The following MYH14 variants were observed in gnomAD, a reference collection of about 807,000 sequenced individuals.
The protein encoded by MYH14 is myosin heavy chain 14.
Under a neutral mutation model 255.5 loss-of-function variants are expected in MYH14, and 123 were observed. That is an observed-to-expected ratio of 0.48 (90% CI 0.42 to 0.56). The LOEUF is 0.56. Ranked by LOEUF, MYH14 falls within the 20% of genes least tolerant of loss-of-function variation. The pLI is 0.00. For missense variants in MYH14, 2,423 were observed against 2,802.3 expected, an observed-to-expected ratio of 0.86 and a Z score of 3.06; for synonymous variants, 1,095 against 1,161.2, an observed-to-expected ratio of 0.94 and a Z score of 1.16.
intron 21 of MYH14, 43 bp from the exon 22 acceptor site, chr19:50,263,269 C>T (rs1205077824): frequency 1.5e-6 from 2 of 1,305,286 alleles, no homozygotes; most frequent in East Asian, 2.6e-5. Flanking sequence ...GGGGATGGCG[C>T]CTGGAGGCTC....
rs748914051 is a variant in MYH14 at position 50,261,585 on chromosome 19, C to G, written c.2535C>G (p.Thr845=). ...QLEEERDLKV[T]DIIVSFQAAA... ...AAGAGGAGCGAGACCTGAAGGTCAC[C>G]GACATCATCGTCTCCTTCCAGGCAG... is the stretch of plus-strand genomic sequence containing the variant. The change falls in exon 21 of 43, where the codon ACC becomes ACG. Residue 845 remains threonine (T), a synonymous_variant. Transcript: ENST00000642316. The G allele has an allele frequency of 6.2e-7, 1 of 1,603,040 alleles. No individual in the cohort carries two copies. Among genetic ancestry groups the G allele is most frequent in the Non-Finnish European group, 8.5e-7 (1 of 1,176,282 alleles).
intron 19 of MYH14, 51 bp from the exon 20 acceptor site, chr19:50,260,595 G>A: frequency 7.3e-7 from 1 of 1,360,692 alleles, no homozygotes; most frequent in Non-Finnish European, 1.0e-6. Context: ...CAGGCACTAG[G>A]TGAGCGTTTG....
At chr19:50,251,689 T>C (rs1323076849) in intron 15 of MYH14, among the ~76,000 whole-genome samples, 6 of 152,094 alleles carry the variant, frequency 3.9e-5, no homozygotes, top group Non-Finnish European at 7.3e-5. Flanking sequence ...GCAATTCTTC[T>C]GCCTCAGCCT....
In MYH14 at chr19:50,293,103, T is replaced by C; in HGVS notation, c.5257-130T>C. ...GAGACATCTGTAGGTTGCAGCTCATTCCAGGGTTACCCAGGGACAGCATGA... is the reference window on the plus strand; with the variant it reads ...GAGACATCTGTAGGTTGCAGCTCATCCCAGGGTTACCCAGGGACAGCATGA... On this transcript the variant is annotated intron_variant, in intron 37 of 42. Transcript: ENST00000642316. This position sits in a 1 kb window ranked among gnomAD's most constrained non-coding sequence, Gnocchi z 4.1. 1.4e-6 allele frequency: 1 copy of C among 712,834 alleles called. No individual in the cohort carries two copies. The highest frequency in any genetic ancestry group is 2.7e-5 in the East Asian group (1 of 37,046). The allele number at this position is 712,834 out of a possible 1,614,324, so 44.2% of individuals were successfully genotyped here.
intron 27 of MYH14, among the ~76,000 whole-genome samples, chr19:50,273,098 C>T (rs2035370504): frequency 3.3e-5 from 5 of 152,006 alleles, no homozygotes; most frequent in Admixed American, 3.3e-4. Flanking sequence ...TGAAACCAGC[C>T]TGGCTAACAT....
rs767205350 is a variant in MYH14, at chr19:50,247,054, C to T, written c.1261C>T (p.Arg421Ter). ...LLGLGVTDFSRALLTPRIKVG... is the reference protein window; with the variant it reads ...LLGLGVTDFS Reference sequence around the variant, plus strand: ...GGGACTGGGGGTGACGGATTTCTCCCGAGCCTTGCTCACCCCTCGCATCAA... The same window carrying T: ...GGGACTGGGGGTGACGGATTTCTCCTGAGCCTTGCTCACCCCTCGCATCAA... The change falls in exon 12 of 43, where the codon CGA becomes TGA. Residue 421 changes from arginine to a stop codon, truncating the protein, a stop_gained. Coordinates refer to ENST00000642316, the MANE Select transcript of MYH14 (RefSeq NM_001145809.2). LOFTEE classifies it high-confidence loss of function. The T allele has an allele frequency of 3.1e-6, 5 of 1,613,270 alleles. No individual in the cohort carries two copies. The highest frequency in any genetic ancestry group is 1.3e-5 in the African/African-American group (1 of 74,888).
intron 10 of MYH14, among the ~76,000 whole-genome samples, chr19:50,234,290 CT>C (rs2033555730): frequency 6.6e-6 from 1 of 152,160 alleles, no homozygotes; most frequent in Non-Finnish European, 1.5e-5. Context: ...GGACCTCCGC[CT>C]TTTCAGAGGC....
At chr19:50,251,790 C>T (rs573491310) in intron 15 of MYH14, among the ~76,000 whole-genome samples, 2 of 152,264 alleles carry the variant, frequency 1.3e-5, no homozygotes, top group South Asian at 4.2e-4. Context: ...GTTGGCCAGG[C>T]TGCTCTCGAA....
chr19:50,210,768 T>A lies in MYH14; in HGVS notation c.403T>A (p.Tyr135Asn). The stretch of plus-strand genomic sequence containing the variant: ...GGAGCGGTACTACTCCGGCCTCATC[T>A]ACGTGAGTGGGCTCCTGCTGGGGGG... ...LRERYYSGLI[Y>N]TYSGLFCVVI... is the part of the protein sequence containing the mutation. Residue 135 changes from tyrosine to asparagine, a missense_variant and splice_region_variant, in exon 2 of 43, where the codon TAC (tyrosine) becomes AAC (asparagine). By Grantham distance (143) the Tyr-to-Asn change is moderately radical. This residue lies in a region of MYH14 where 238 missense variants were observed against 245.8 expected (regional missense o/e 0.97). Transcript: ENST00000642316. The A allele has an allele frequency of 6.4e-7, 1 of 1,567,340 alleles. No homozygotes were observed. The highest frequency in any genetic ancestry group is 2.4e-5 in the East Asian group (1 of 42,026).
At position 50,291,023 on chromosome 19, in the gene MYH14, C is replaced by A. The variant is rs759645377; in HGVS notation, c.5102C>A (p.Ala1701Glu). 3 of 1,612,764 alleles carry A rather than the reference C, an allele frequency of 1.9e-6. No individual in the cohort carries two copies. Among genetic ancestry groups the A allele is most frequent in the South Asian group, 2.2e-5 (2 of 90,724 alleles). ...MASAGQGKEE[A>E]VKQLRKMQAQ... ...TCTGCCGGCCAGGGCAAGGAGGAGG[C>A]GGTGAAGCAGCTTCGCAAGATGCAG... The change falls in exon 36 of 43, where the codon GCG becomes GAG. Residue 1701 changes from alanine to glutamate, a missense_variant. Transcript: ENST00000642316.
intron 11 of MYH14, among the ~76,000 whole-genome samples, chr19:50,244,685 G>A (rs903443571): frequency 1.3e-5 from 2 of 152,040 alleles, no homozygotes; most frequent in Admixed American, 6.5e-5. Context: ...GAGTGTCACC[G>A]TGTTAACCAG....
intron 36 of MYH14, 68 bp downstream of exon 36, chr19:50,291,116 G>C (rs920874580): frequency 1.3e-6 from 2 of 1,525,482 alleles, no homozygotes; most frequent in African/African-American, 2.8e-5. Flanking sequence ...ATCACTCCAG[G>C]GTCTAAGGCT....
At chr19:50,299,955 AAAAC>A (rs1033502298) in intron 39 of MYH14, among the ~76,000 whole-genome samples, 21 of 152,252 alleles carry the variant, frequency 1.4e-4, no homozygotes, top group South Asian at 2.1e-4. Context: ...AAAACAAACA[AAAAC>A]AAACAAACAA....
intron 13 of MYH14, 44 bp downstream of exon 13, chr19:50,249,183 G>A (rs368162145): frequency 3.1e-5 from 47 of 1,514,154 alleles, no homozygotes; most frequent in South Asian, 1.2e-4. Flanking sequence ...TCCTCACTCC[G>A]GTCCTGGTCC....
At chr19:50,297,245 A>G (rs1019644150) in intron 39 of MYH14, among the ~76,000 whole-genome samples, 4 of 151,858 alleles carry the variant, frequency 2.6e-5, no homozygotes, top group Non-Finnish European at 4.4e-5. Context: ...CGGCCTCCCA[A>G]AGTGCTGGGA....
At chr19:50,254,795 C>A (rs2034531652) in intron 16 of MYH14, among the ~76,000 whole-genome samples, 1 of 152,218 alleles carries the variant, frequency 6.6e-6, no homozygotes, top group Non-Finnish European at 1.5e-5. Flanking sequence ...GGATGCCCAG[C>A]ATCCTGACAG....
chr19:50,276,180 C>T lies in MYH14; in HGVS notation c.3657C>T (p.Ser1219=). 4 of 1,548,660 alleles carry T rather than the reference C, an allele frequency of 2.6e-6. No individual in the cohort carries two copies. The highest frequency in any genetic ancestry group is 3.5e-6 in the Non-Finnish European group (4 of 1,147,078). The change falls in exon 28 of 43, where the codon TCC becomes TCT. Residue 1219 remains serine, a synonymous_variant. Transcript: ENST00000642316. This position sits in a 1 kb window ranked among gnomAD's most constrained non-coding sequence, Gnocchi z 4.3. ...LRGELEDTLD[S]TNAQQELRSK... The stretch of plus-strand genomic sequence containing the variant: ...GCGAGCTGGAGGACACGCTGGACTC[C>T]ACCAACGCACAGCAGGAGCTCCGGT...
Position 50,280,151 on chromosome 19 carries a change from C to A in MYH14, c.4137+10C>A, listed in dbSNP as rs566291697. ...GCTGCACGATGCCCAGGTGACCCTG[C>A]CTGCCCTTCGGCTCCACCGTCACCC... On this transcript the variant is annotated intron_variant, in intron 31 of 42. Transcript: ENST00000642316. This position sits in a 1 kb window ranked among gnomAD's most constrained non-coding sequence, Gnocchi z 4.8. The A allele has an allele frequency of 6.3e-7, 1 of 1,587,072 alleles. No individual in the cohort carries two copies. Among genetic ancestry groups the A allele is most frequent in the Non-Finnish European group, 8.6e-7 (1 of 1,167,592 alleles).
chr19:50,274,871 C>T (rs2035446828), intron 27 of MYH14, among the ~76,000 whole-genome samples: 1 of 150,336 alleles, frequency 6.7e-6, no homozygotes, highest in African/African-American at 2.5e-5. Context: ...GTCGAGGCTG[C>T]AGTGAGCTAT....
Sources: gnomAD v4.1 joint callset for allele counts (sites outside exome capture counted in the v4.1 genomes callset) on GRCh38, gnomAD v4.1.1 for gene constraint, gnomAD v4.1.1 regional missense constraint, Gnocchi (gnomAD v3.1) non-coding constraint, MANE v1.5 for transcripts, NCBI Gene and HGNC (gene_info 2026-07-23, HGNC 2026-07-21) for gene names.